Variants in RASGRP4 observed in about 807,000 individuals in gnomAD.
RASGRP4 encodes RAS guanyl releasing protein 4.
Under a neutral mutation model 84.4 loss-of-function variants are expected in RASGRP4, and 52 were observed. The observed-to-expected ratio is 0.62, with a 90% CI of 0.49 to 0.78. The LOEUF (loss-of-function observed/expected upper bound fraction) is 0.78. Among genes scored for constraint, RASGRP4 ranks in the 30% least tolerant of loss-of-function variants. The pLI is 0.00. For missense variants in RASGRP4, 760 were observed against 886.9 expected, an observed-to-expected ratio of 0.86 and a Z score of 1.82; for synonymous variants, 356 against 359.1, an observed-to-expected ratio of 0.99 and a Z score of 0.10.
intron 2 of RASGRP4, 110 bp downstream of exon 2, chr19:38,421,859 T>G: frequency 2.4e-6 from 2 of 819,976 alleles, no homozygotes; most frequent in Non-Finnish European, 3.8e-6. Context: ...TGATTGAGTT[T>G]CATTCCACCC....
chr19:38,415,110 A>G lies in RASGRP4; in HGVS notation c.968T>C (p.Leu323Pro). 2 of 1,594,588 alleles carry G rather than the reference A, an allele frequency of 1.3e-6. No individual in the cohort carries two copies. The highest frequency in any genetic ancestry group is 1.7e-6 in the Non-Finnish European group (2 of 1,169,640). ...GTTGTGGGAGGCAAGGAGCTCAGTG[A>G]GCTCCAGGAGGGCCTGGGGAGGAGG... The part of the protein sequence containing the change: ...SPDSTKALLE[L>P]TELLASHNNY... Residue 323 changes from leucine (L) to proline (P), a missense_variant, in exon 9 of 17, where the codon CTC becomes CCC. Physicochemically the swap from Leu to Pro is moderately conservative, Grantham distance 98. Coordinates refer to ENST00000615439, the MANE Select transcript of RASGRP4 (RefSeq NM_170604.3).
At chr19:38,423,138 G>A (rs766450179) in intron 1 of RASGRP4, among the ~76,000 whole-genome samples, 9 of 152,106 alleles carry the variant, frequency 5.9e-5, no homozygotes, top group Non-Finnish European at 1.0e-4. Flanking sequence ...CCCAGGCAGA[G>A]GCATGGGAGG....
Position 38,418,523 on chromosome 19 carries a change from T to A in RASGRP4, c.705A>T (p.Arg235=), listed in dbSNP as rs190368607. 23 of 1,551,352 alleles carry A rather than the reference T, an allele frequency of 1.5e-5. No individual in the cohort carries two copies. In the African/African-American group the frequency reaches 3.1e-4, roughly 21 times the overall value. The change falls in exon 7 of 17, where the codon CGA becomes CGT. Residue 235 remains arginine (R), a synonymous_variant. Transcript: ENST00000615439. This position sits in a 1 kb window ranked among gnomAD's most constrained non-coding sequence, Gnocchi z 4.6. ...CGGAGCCCTCCAGGGCCGGGCAGCC[T>A]CGTACTGAGCCCTGCAAAACGTAGC... The part of the protein sequence containing the change: ...LRSYVLQGSV[R]GCPALEGSVG...
Position 38,409,091 on chromosome 19 carries a change from G to C in RASGRP4, c.*949C>G. 2.1e-6 allele frequency: 1 copy of C among 482,980 alleles called. No individual in the cohort carries two copies. Among genetic ancestry groups the C allele is most frequent in the Non-Finnish European group, 3.5e-6 (1 of 287,948 alleles). 29.9% of individuals were successfully genotyped at this position (482,980 alleles called of 1,614,324 possible). ...ATAAATTTAATTTATGACAGCTGTA[G>C]GACCTCTCTCTGTGGGGGCCAAGTC... is the stretch of plus-strand genomic sequence containing the variant. On this transcript the variant is annotated 3_prime_UTR_variant, in exon 17 of 17. Transcript: ENST00000615439.
At position 38,420,265 on chromosome 19, in the gene RASGRP4, G is replaced by A. The variant is rs2145228842; in HGVS notation, c.378-3C>T. 1.2e-6 allele frequency: 2 copies of A among 1,612,798 alleles called. No individual in the cohort carries two copies. The highest frequency in any genetic ancestry group is 3.3e-5 in the Admixed American group (2 of 59,814). On this transcript the variant is annotated splice_polypyrimidine_tract_variant and splice_region_variant and intron_variant, in intron 4 of 16. Coordinates refer to ENST00000615439, the MANE Select transcript of RASGRP4 (RefSeq NM_170604.3). ...CAGGGTGTCGCATCAGCCAGTACCT[G>A]AGAGTGGTTTGGAGATGGTGAGATG...
chr19:38,417,080 TG>T lies in RASGRP4; in HGVS notation c.925del (p.His309MetfsTer4), dbSNP rs747299770. On this transcript the variant is annotated frameshift_variant, in exon 8 of 17. Transcript: ENST00000615439. LOFTEE classifies it high-confidence loss of function. This position sits in a 1 kb window ranked among gnomAD's most constrained non-coding sequence, Gnocchi z 5.1. ...GGTGCTGTCAGGGCTCAGGTGGGCA[TG>T]GGAGTCCTTGAGTCTGGAGATGGCA... The part of the protein sequence containing the change: ...HSAISRLKDS[H>X]AHLSPDSTKA... 12 of 1,560,794 alleles carry T rather than the reference TG, an allele frequency of 7.7e-6. 1 individual carries two copies. The South Asian group carries it at 1.4e-4, about 18-fold the overall frequency.
chr19:38,411,309 C>A (rs1179669527), intron 14 of RASGRP4, 36 bp downstream of exon 14: 1 of 1,610,606 alleles, frequency 6.2e-7, no homozygotes, highest in Non-Finnish European at 8.5e-7. Flanking sequence ...GCCTGCGGGC[C>A]AAGGCTTCCC....
chr19:38,418,538 C>A lies in RASGRP4; in HGVS notation c.690G>T (p.Leu230Phe). The change falls in exon 7 of 17, where the codon TTG (leucine) becomes TTT (phenylalanine). Residue 230 changes from leucine to phenylalanine, a missense_variant. Leu to Phe is a conservative substitution (Grantham distance 22). Coordinates refer to ENST00000615439, the MANE Select transcript of RASGRP4 (RefSeq NM_170604.3). The surrounding 1 kb of genome is among the most constrained non-coding windows in gnomAD (Gnocchi z 4.6). ...ITPQDLRSYV[L>F]QGSVRGCPAL... Reference sequence around the variant, plus strand: ...CCGGGCAGCCTCGTACTGAGCCCTGCAAAACGTAGCTCCGCAGGTCCTGGG... The same window carrying A: ...CCGGGCAGCCTCGTACTGAGCCCTGAAAAACGTAGCTCCGCAGGTCCTGGG... 1 of 1,540,342 alleles carries A rather than the reference C, an allele frequency of 6.5e-7. No homozygotes were observed. The highest frequency in any genetic ancestry group is 8.8e-7 in the Non-Finnish European group (1 of 1,141,754).
intron 13 of RASGRP4, 50 bp from the exon 14 acceptor site, chr19:38,411,431 G>A (rs1170884131): frequency 6.8e-7 from 1 of 1,477,460 alleles, no homozygotes; most frequent in African/African-American, 1.4e-5. Context: ...AGGGAGGGCT[G>A]TGGATTGGCA....
rs369815010 is a variant in RASGRP4, at chr19:38,421,919, G to A, written c.208+50C>T. On this transcript the variant is annotated intron_variant, in intron 2 of 16. Transcript: ENST00000615439. ...AAAACTGAGGTGGAGAGAAGCGAGTGCTGAGCCCGAGGTTAGGGCCAGGGA... is the reference window on the plus strand; with the variant it reads ...AAAACTGAGGTGGAGAGAAGCGAGTACTGAGCCCGAGGTTAGGGCCAGGGA... 5.9e-6 allele frequency: 9 copies of A among 1,532,670 alleles called. No homozygotes were observed. The African/African-American group carries it at 9.6e-5, about 16-fold the overall frequency. The allele number at this position is 1,532,670 out of a possible 1,614,324, so 94.9% of individuals were successfully genotyped here.
chr19:38,415,198 T>G, intron 8 of RASGRP4, 75 bp from the exon 9 acceptor site: 1 of 1,388,070 alleles, frequency 7.2e-7, no homozygotes, highest in Non-Finnish European at 9.7e-7. Context: ...GTGTGGGCTC[T>G]AGGCCTTCAG....
rs62118962 is a variant in RASGRP4 at position 38,412,401 on chromosome 19, C to T, written c.1680+271G>A. Reference sequence around the variant, plus strand: ...CCTCCCCAAGTGCTGGGATTACAGGCGTGAGCCACCACTCCTGGCCTCCTA... The same window carrying T: ...CCTCCCCAAGTGCTGGGATTACAGGTGTGAGCCACCACTCCTGGCCTCCTA... On this transcript the variant is annotated intron_variant, in intron 13 of 16. Transcript: ENST00000615439. The surrounding 1 kb of genome is among the most constrained non-coding windows in gnomAD (Gnocchi z 4.6). 1,115 of 429,080 alleles carry T rather than the reference C, an allele frequency of 2.6e-3. 4 individuals are homozygous for T. Among genetic ancestry groups the T allele is most frequent in the Non-Finnish European group, 3.9e-3 (935 of 237,584 alleles). 26.6% of individuals were successfully genotyped at this position (429,080 alleles called of 1,614,324 possible).
At chr19:38,410,449 G>A (rs191526003) in intron 16 of RASGRP4, among the ~76,000 whole-genome samples, 131 of 136,544 alleles carry the variant, frequency 9.6e-4, no homozygotes, top group Non-Finnish European at 1.6e-3. Flanking sequence ...GTCTTGCTCT[G>A]TCACCTAGGC....
At position 38,412,434 on chromosome 19, in the gene RASGRP4, T is replaced by C; in HGVS notation, c.1680+238A>G. On this transcript the variant is annotated intron_variant, in intron 13 of 16. Coordinates refer to ENST00000615439, the MANE Select transcript of RASGRP4 (RefSeq NM_170604.3). This position sits in a 1 kb window ranked among gnomAD's most constrained non-coding sequence, Gnocchi z 4.6. ...ACCACTCCTGGCCTCCTATCTAGAG[T>C]TTTAGGTATTATCCATGGTTCAGCA... The C allele has an allele frequency of 1.9e-6, 1 of 513,076 alleles. No homozygotes were observed. Among genetic ancestry groups the C allele is most frequent in the Non-Finnish European group, 3.5e-6 (1 of 288,450 alleles). 31.8% of individuals were successfully genotyped at this position (513,076 alleles called of 1,614,324 possible). A position where few individuals can be genotyped will look rare whatever the true frequency, so the allele number is the denominator to read the frequency against.
chr19:38,409,309 C>T lies in RASGRP4; in HGVS notation c.*731G>A, dbSNP rs1215487945. 1.9e-5 allele frequency: 3 copies of T among 156,574 alleles called. No homozygotes were observed. Among genetic ancestry groups the T allele is most frequent in the Non-Finnish European group, 4.2e-5 (3 of 71,202 alleles). The allele number at this position is 156,574 out of a possible 1,614,324, so 9.7% of individuals were successfully genotyped here. A position where few individuals can be genotyped will look rare whatever the true frequency, so the allele number is the denominator to read the frequency against. On this transcript the variant is annotated 3_prime_UTR_variant, in exon 17 of 17. Transcript: ENST00000615439. Reference sequence around the variant, plus strand: ...TACCACCTGCCAGCCCTGTTCTAGGCACTGGGGATGCAGCAGTGAATGACA... The same window carrying T: ...TACCACCTGCCAGCCCTGTTCTAGGTACTGGGGATGCAGCAGTGAATGACA...
Position 38,413,371 on chromosome 19 carries a change from C to T in RASGRP4, c.1311+23G>A, listed in dbSNP as rs754416420. The T allele has an allele frequency of 7.5e-6, 12 of 1,607,092 alleles. No homozygotes were observed. The highest frequency in any genetic ancestry group is 3.3e-4 in the Middle Eastern group (2 of 6,048). On this transcript the variant is annotated intron_variant, in intron 10 of 16. Coordinates refer to ENST00000615439, the MANE Select transcript of RASGRP4 (RefSeq NM_170604.3). The surrounding 1 kb of genome is among the most constrained non-coding windows in gnomAD (Gnocchi z 4.7). ...GGGGTTCGAGGTAATTGGGGGAGTC[C>T]GAGGCCAGGGGTTGGGTCTCACCAG...
rs188534015 is a variant in RASGRP4 at position 38,414,379 on chromosome 19, C to T, written c.1230+469G>A. Among the ~76,000 whole-genome samples, 5 of 77,480 alleles carry T rather than the reference C, an allele frequency of 6.5e-5. No homozygotes were observed. In the South Asian group the frequency reaches 8.2e-4, roughly 13 times the overall value. 50.8% of individuals were successfully genotyped at this position (77,480 alleles called of 152,430 possible). Reference sequence around the variant, plus strand: ...TCTTGCCCAGGCTGGGGTGCAATGGCGCAATGGCGCAATCTCAGCTCACTG... The same window carrying T: ...TCTTGCCCAGGCTGGGGTGCAATGGTGCAATGGCGCAATCTCAGCTCACTG... On this transcript the variant is annotated intron_variant, in intron 9 of 16. Coordinates refer to ENST00000615439, the MANE Select transcript of RASGRP4 (RefSeq NM_170604.3).
In RASGRP4 at chr19:38,412,831, T is replaced by C. The variant is rs1971321538; in HGVS notation, c.1536-15A>G. 6.2e-7 allele frequency: 1 copy of C among 1,610,318 alleles called. No individual in the cohort carries two copies. The highest frequency in any genetic ancestry group is 8.5e-7 in the Non-Finnish European group (1 of 1,178,006). On this transcript the variant is annotated splice_polypyrimidine_tract_variant and intron_variant, in intron 12 of 16. Coordinates refer to ENST00000615439, the MANE Select transcript of RASGRP4 (RefSeq NM_170604.3). The surrounding 1 kb of genome is among the most constrained non-coding windows in gnomAD (Gnocchi z 4.6). ...AGGATCCTCTCCTGGGGGCAGAAACTGAGCCTCAGCATGACCTGCCCCAAC... is the reference window on the plus strand; with the variant it reads ...AGGATCCTCTCCTGGGGGCAGAAACCGAGCCTCAGCATGACCTGCCCCAAC...
At chr19:38,423,455 G>A (rs910816877) in intron 1 of RASGRP4, among the ~76,000 whole-genome samples, 1 of 152,002 alleles carries the variant, frequency 6.6e-6, no homozygotes, top group Non-Finnish European at 1.5e-5. Context: ...GAACCCAGGA[G>A]GTGGAGGCTG....
Sources: allele counts gnomAD v4.1 joint callset (sites outside exome capture counted in the v4.1 genomes callset), GRCh38; gene constraint gnomAD v4.1.1; non-coding constraint Gnocchi (gnomAD v3.1); transcripts MANE v1.5; gene names NCBI Gene and HGNC (gene_info 2026-07-23, HGNC 2026-07-21).